BDH1: variants seen among roughly 807,000 people sequenced by gnomAD.
The protein encoded by BDH1 is D-beta-hydroxybutyrate dehydrogenase, mitochondrial.
In BDH1, 30 loss-of-function variants were observed where a neutral mutation model predicts 33.1. The ratio of observed to expected loss-of-function variants is 0.91; its 90% confidence interval spans 0.68 to 1.23. The LOEUF (loss-of-function observed/expected upper bound fraction) is 1.23. Among genes scored for constraint, BDH1 ranks in the 50% most tolerant of loss-of-function variants. BDH1 has a pLI of 0.00. For synonymous variants in BDH1, 190 were observed against 183.6 expected, an observed-to-expected ratio of 1.03 and a Z score of -0.28; for missense variants, 443 against 464.4, an observed-to-expected ratio of 0.95 and a Z score of 0.42.
chr3:197,532,629 C>A, intron 4 of BDH1, 107 bp from the exon 5 acceptor site: 2 of 749,302 alleles, frequency 2.7e-6, no homozygotes, highest in Non-Finnish European at 4.6e-6. Context: ...CTGAGTGGCC[C>A]AAGCCTGGCC....
At chr3:197,547,276 C>T (rs148876359) in intron 2 of BDH1, among the ~76,000 whole-genome samples, 1 of 152,332 alleles carries the variant, frequency 6.6e-6, no homozygotes, top group Non-Finnish European at 1.5e-5. Context: ...ATAGTGATTC[C>T]TCCAGGCCTA....
At chr3:197,546,940 C>A (rs1271420792) in intron 2 of BDH1, among the ~76,000 whole-genome samples, 1 of 152,226 alleles carries the variant, frequency 6.6e-6, no homozygotes, top group Non-Finnish European at 1.5e-5. Context: ...CCCACCTGCC[C>A]CTGCAGGCAG....
chr3:197,511,016 C>T lies in BDH1; in HGVS notation c.*879G>A, dbSNP rs959743060. 3 of 152,348 alleles carry T rather than the reference C, an allele frequency of 2.0e-5. No individual in the cohort carries two copies. Among genetic ancestry groups the T allele is most frequent in the Admixed American group, 2.0e-4 (3 of 15,290 alleles). The allele number at this position is 152,348 out of a possible 1,614,324, so 9.4% of individuals were successfully genotyped here. A position where few individuals can be genotyped will look rare whatever the true frequency, so the allele number is the denominator to read the frequency against. ...CCAAGGCAGGCGGATCACTTGAAGT[C>T]GGGAGTTCGGGACCAGCCTAGCCAA... On this transcript the variant is annotated 3_prime_UTR_variant, in exon 8 of 8. Transcript: ENST00000392379.
chr3:197,562,442 G>C (rs745843303), intron 1 of BDH1, among the ~76,000 whole-genome samples: 1 of 152,220 alleles, frequency 6.6e-6, no homozygotes, highest in Non-Finnish European at 1.5e-5. Context: ...TCTTTCCAGC[G>C]AAAGGCGTCC....
intron 3 of BDH1, among the ~76,000 whole-genome samples, chr3:197,540,508 A>C (rs1715520125): frequency 1.3e-5 from 2 of 151,892 alleles, no homozygotes; most frequent in Non-Finnish European, 2.9e-5. Flanking sequence ...ATCTCTACTA[A>C]AAATACAAAA....
rs574343617 is a variant in BDH1 at position 197,548,720 on chromosome 3, G to A, written c.-43-2234C>T. Among the ~76,000 whole-genome samples, 58 of 152,040 alleles carry A rather than the reference G, an allele frequency of 3.8e-4. 1 individual carries two copies. Among genetic ancestry groups the A allele is most frequent in the African/African-American group, 7.5e-4 (31 of 41,396 alleles). ...ACAAAAAATAGCCAGGCGTGGTGGCGGGCGCCCACAGTCCCAGCTACTCGG... is the reference window on the plus strand; with the variant it reads ...ACAAAAAATAGCCAGGCGTGGTGGCAGGCGCCCACAGTCCCAGCTACTCGG... On this transcript the variant is annotated intron_variant, in intron 2 of 7. Coordinates refer to ENST00000392379, the MANE Select transcript of BDH1 (RefSeq NM_203314.3).
chr3:197,525,526 T>C lies in BDH1; in HGVS notation c.268-2745A>G, dbSNP rs1047049745. Among the ~76,000 whole-genome samples, 1 of 152,192 alleles carries C rather than the reference T, an allele frequency of 6.6e-6. No individual in the cohort carries two copies. Among genetic ancestry groups the C allele is most frequent in the Non-Finnish European group, 1.5e-5 (1 of 68,030 alleles). On this transcript the variant is annotated intron_variant, in intron 5 of 7. Transcript: ENST00000392379. The surrounding 1 kb of genome is among the most constrained non-coding windows in gnomAD (Gnocchi z 4.9). ...CAGTTTGACAGTGAAGAGTCTTCTT[T>C]CAGAGGAAACTAGGGGATTAATCTC... is the stretch of plus-strand genomic sequence containing the variant.
Position 197,514,212 on chromosome 3 carries a change from T to A in BDH1, c.562+52A>T, listed in dbSNP as rs1435646249. 1 of 1,569,540 alleles carries A rather than the reference T, an allele frequency of 6.4e-7. No homozygotes were observed. The highest frequency in any genetic ancestry group is 2.3e-5 in the East Asian group (1 of 43,738). The stretch of plus-strand genomic sequence containing the variant: ...CAGGTATTTCCATTCTGAGCAAAGA[T>A]GAACACGTGGGGCAGGTTCAGGGGC... On this transcript the variant is annotated intron_variant, in intron 7 of 7. Coordinates refer to ENST00000392379, the MANE Select transcript of BDH1 (RefSeq NM_203314.3). This position sits in a 1 kb window ranked among gnomAD's most constrained non-coding sequence, Gnocchi z 4.2.
intron 3 of BDH1, chr3:197,538,487 G>A (rs1395884347): frequency 9.4e-6 from 4 of 424,452 alleles, no homozygotes; most frequent in Admixed American, 7.5e-5. Context: ...GAGTAGCCGG[G>A]ACTACAGGCT....
chr3:197,515,924 G>GCT lies in BDH1; in HGVS notation c.410-1509_410-1508insAG, dbSNP rs201944662. ...CACACACACACACACACGCGCGCGC[G>GCT]CGCGCTCTATCCTCTCCATCTCCCT... On this transcript the variant is annotated intron_variant, in intron 6 of 7. Coordinates refer to ENST00000392379, the MANE Select transcript of BDH1 (RefSeq NM_203314.3). The GCT allele has an allele frequency of 6.2e-3, 971 of 156,172 alleles. 7 individuals carry two copies. Among genetic ancestry groups the GCT allele is most frequent in the African/African-American group, 0.022 (915 of 41,570 alleles). The allele number at this position is 156,172 out of a possible 1,614,324, so 9.7% of individuals were successfully genotyped here.
intron 7 of BDH1, among the ~76,000 whole-genome samples, chr3:197,512,941 C>T (rs912739519): frequency 6.6e-6 from 1 of 152,098 alleles, no homozygotes; most frequent in Non-Finnish European, 1.5e-5. Context: ...GAGGGAGCCC[C>T]GGGACAGCCC....
At position 197,526,229 on chromosome 3, in the gene BDH1, T is replaced by C. The variant is rs116584254; in HGVS notation, c.268-3448A>G. ...TTGAGAACCCAAACTCCCAAACTTGTATGCGAGGTAAAGCTTTCCCCTGCC... is the reference window on the plus strand; with the variant it reads ...TTGAGAACCCAAACTCCCAAACTTGCATGCGAGGTAAAGCTTTCCCCTGCC... On this transcript the variant is annotated intron_variant, in intron 5 of 7. Coordinates refer to ENST00000392379, the MANE Select transcript of BDH1 (RefSeq NM_203314.3). This position sits in a 1 kb window ranked among gnomAD's most constrained non-coding sequence, Gnocchi z 4.7. Among the ~76,000 whole-genome samples, 1 of 152,198 alleles carries C rather than the reference T, an allele frequency of 6.6e-6. No homozygotes were observed. The highest frequency in any genetic ancestry group is 1.5e-5 in the Non-Finnish European group (1 of 68,024).
intron 3 of BDH1, among the ~76,000 whole-genome samples, chr3:197,537,230 C>T (rs967823306): frequency 6.6e-6 from 1 of 152,166 alleles, no homozygotes; most frequent in Admixed American, 6.5e-5. Context: ...CTCAAGTGAT[C>T]CTCCCACCTC....
chr3:197,522,488 A>T lies in BDH1; in HGVS notation c.409+152T>A. 1 of 969,540 alleles carries T rather than the reference A, an allele frequency of 1.0e-6. No homozygotes were observed. Among genetic ancestry groups the T allele is most frequent in the Admixed American group, 2.6e-5 (1 of 38,602 alleles). The allele number at this position is 969,540 out of a possible 1,614,324, so 60.1% of individuals were successfully genotyped here. On this transcript the variant is annotated intron_variant, in intron 6 of 7. Transcript: ENST00000392379. The surrounding 1 kb of genome is among the most constrained non-coding windows in gnomAD (Gnocchi z 4.8). The stretch of plus-strand genomic sequence containing the variant: ...CCTATTGCACGTGTATGTTTAGTGT[A>T]ATCCTCTTCCTCCTACTGTGCAGGA...
In BDH1 at chr3:197,522,783, T is replaced by C; in HGVS notation, c.268-2A>G. ...CTTGACCCCATCATGGCCTTTGTCC[T>C]GGGGAGGAGAGAAGAGCTGCTTCTA... On this transcript the variant is annotated splice_acceptor_variant, in intron 5 of 7. Transcript: ENST00000392379. LOFTEE classifies it high-confidence loss of function. This position sits in a 1 kb window ranked among gnomAD's most constrained non-coding sequence, Gnocchi z 4.8. The C allele has an allele frequency of 1.2e-6, 2 of 1,613,654 alleles. No individual in the cohort carries two copies. Among genetic ancestry groups the C allele is most frequent in the Non-Finnish European group, 1.7e-6 (2 of 1,179,698 alleles).
At chr3:197,553,296 C>G (rs988507275) in intron 2 of BDH1, among the ~76,000 whole-genome samples, 1 of 149,026 alleles carries the variant, frequency 6.7e-6, no homozygotes, top group African/African-American at 2.4e-5. Context: ...TTTGGGAGGC[C>G]GAGGTGGGCA....
intron 7 of BDH1, 91 bp from the exon 8 acceptor site, chr3:197,512,455 A>G (rs1045820669): frequency 7.2e-7 from 1 of 1,390,536 alleles, no homozygotes. Context: ...GCTTGGCTGG[A>G]ACCACTTCTG....
intron 5 of BDH1, chr3:197,530,840 A>T (rs1273351242): frequency 6.6e-6 from 1 of 152,664 alleles, no homozygotes; most frequent in Non-Finnish European, 1.5e-5. Flanking sequence ...TATATGCAAT[A>T]TGCAAACACT....
At chr3:197,557,560 T>C (rs896288807), upstream of BDH1, among the ~76,000 whole-genome samples, 2 of 152,090 alleles carry the variant, frequency 1.3e-5, no homozygotes, top group South Asian at 2.1e-4. This position sits in a 1 kb window ranked among gnomAD's most constrained non-coding sequence, Gnocchi z 4.6. Flanking sequence ...GCCTGGCCAA[T>C]GTGGTGAAAC....
Sources: gnomAD v4.1 joint callset for allele counts (sites outside exome capture counted in the v4.1 genomes callset) on GRCh38, gnomAD v4.1.1 for gene constraint, Gnocchi (gnomAD v3.1) non-coding constraint, MANE v1.5 for transcripts, NCBI Gene and HGNC (gene_info 2026-07-23, HGNC 2026-07-21) for gene names.